The following ACTL8 variants were observed in gnomAD, a reference collection of about 807,000 sequenced individuals.
The protein encoded by ACTL8 is actin like 8, also known as actin-like protein 8.
In ACTL8, 3 loss-of-function variants were observed where a neutral mutation model predicts 9.3. That is an observed-to-expected ratio of 0.32 (90% CI 0.15 to 0.83). The LOEUF is 0.83. Ranked by LOEUF, ACTL8 falls within the 40% of genes least tolerant of loss-of-function variation. The pLI is 0.57. For synonymous variants in ACTL8, 224 were observed against 205.9 expected (o/e 1.09, Z -0.75); for missense variants, 381 against 492.2 (o/e 0.77, Z 2.14).
At chr1:17,776,631 C>G (rs1300535390) in intron 1 of ACTL8, among the ~76,000 whole-genome samples, 1 of 152,178 alleles carries the variant, frequency 6.6e-6, no homozygotes, top group Non-Finnish European at 1.5e-5. Flanking sequence ...CATTTTTCCT[C>G]CCAGGCAGAG....
chr1:17,813,976 G>A (rs961595998), intron 1 of ACTL8, among the ~76,000 whole-genome samples: 1 of 151,948 alleles, frequency 6.6e-6, no homozygotes, highest in African/African-American at 2.4e-5. Context: ...ATTCCTGATC[G>A]CAGTCTTTTG....
rs534605826 is a variant in ACTL8, at chr1:17,767,411, G to T, written c.-25+11907G>T. Among the ~76,000 whole-genome samples the T allele has an allele frequency of 8.9e-4, 136 of 152,242 alleles. 1 individual carries two copies. The highest frequency in any genetic ancestry group is 6.8e-3 in the Middle Eastern group (2 of 294). ...ACGATGCTGGCAACTTAGCCTCAGG[G>T]TGCTTCTAAAGAGTCTCTTCTTAGA... On this transcript the variant is annotated intron_variant, in intron 1 of 2. Transcript: ENST00000375406. This position sits in a 1 kb window ranked among gnomAD's most constrained non-coding sequence, Gnocchi z 4.7.
In ACTL8 at chr1:17,767,485, C is replaced by T. The variant is rs1285220077; in HGVS notation, c.-25+11981C>T. On this transcript the variant is annotated intron_variant, in intron 1 of 2. Transcript: ENST00000375406. The surrounding 1 kb of genome is among the most constrained non-coding windows in gnomAD (Gnocchi z 4.7). ...CGGACTGACGTCTGCACATCCTTCT[C>T]TCCCGGCTAAGACCTTCCCTGCTCT... 6.6e-6 allele frequency among the ~76,000 whole-genome samples: 1 copy of T among 152,188 alleles called. No individual in the cohort carries two copies. The highest frequency in any genetic ancestry group is 2.4e-5 in the African/African-American group (1 of 41,450).
intron 1 of ACTL8, among the ~76,000 whole-genome samples, chr1:17,774,546 C>T (rs917505177): frequency 2.0e-5 from 3 of 152,078 alleles, no homozygotes; most frequent in Non-Finnish European, 4.4e-5. Context: ...GTAGAGAAAT[C>T]CAAGGTTATG....
intron 1 of ACTL8, among the ~76,000 whole-genome samples, chr1:17,806,213 C>T (rs776130736): frequency 2.0e-5 from 3 of 152,136 alleles, no homozygotes; most frequent in African/African-American, 4.8e-5. Context: ...GAGTTCAGAA[C>T]GACTGGTTAG....
intron 1 of ACTL8, among the ~76,000 whole-genome samples, chr1:17,778,716 C>T (rs769111910): frequency 1.5e-4 from 23 of 152,138 alleles, no homozygotes; most frequent in Non-Finnish European, 3.1e-4. Flanking sequence ...GACTAGAGAT[C>T]TAAGGGCCCT....
At chr1:17,782,609 C>T (rs368167155) in intron 1 of ACTL8, among the ~76,000 whole-genome samples, 2 of 152,286 alleles carry the variant, frequency 1.3e-5, no homozygotes, top group African/African-American at 4.8e-5. Flanking sequence ...TGAAGAAGTG[C>T]TCATGAAACG....
chr1:17,784,004 A>C (rs796686391), intron 1 of ACTL8, among the ~76,000 whole-genome samples: 13 of 152,306 alleles, frequency 8.5e-5, no homozygotes, highest in African/African-American at 3.1e-4. Context: ...GTTGAGCCTT[A>C]GTTGTCTAGT....
chr1:17,755,718 C>T (rs1001480059), intron 1 of ACTL8, among the ~76,000 whole-genome samples: 1 of 152,150 alleles, frequency 6.6e-6, no homozygotes, highest in African/African-American at 2.4e-5. Context: ...GACTTGATTT[C>T]AGCTTTTGGA....
chr1:17,813,470 G>A (rs1157337583), intron 1 of ACTL8, among the ~76,000 whole-genome samples: 2 of 152,246 alleles, frequency 1.3e-5, no homozygotes, highest in Admixed American at 1.3e-4. Context: ...TTGCATTCCT[G>A]GGAGAAGCCC....
chr1:17,804,518 A>G (rs2066344549), intron 1 of ACTL8, among the ~76,000 whole-genome samples: 1 of 152,162 alleles, frequency 6.6e-6, no homozygotes, highest in East Asian at 1.9e-4. Flanking sequence ...TGGGGAGGCA[A>G]CGAGGACACA....
rs11590019 is a variant in ACTL8 at position 17,823,521 on chromosome 1, T to C, written c.348+165T>C. Among the ~76,000 whole-genome samples, 6,189 of 152,180 alleles carry C rather than the reference T, an allele frequency of 0.041. 148 individuals carry two copies. The highest frequency in any genetic ancestry group is 0.053 in the African/African-American group (2,199 of 41,504). On this transcript the variant is annotated intron_variant, in intron 2 of 2. Transcript: ENST00000375406. This position sits in a 1 kb window ranked among gnomAD's most constrained non-coding sequence, Gnocchi z 5.3. ...ACTTTGGGACTCCCAGGCAGGCAGA[T>C]TGCTTGAGCCCAGGAGTTCAGGACC...
At chr1:17,816,059 T>TA (rs1272068766) in intron 1 of ACTL8, among the ~76,000 whole-genome samples, 4 of 152,346 alleles carry the variant, frequency 2.6e-5, no homozygotes, top group African/African-American at 9.6e-5. Context: ...TCAAGCTGGT[T>TA]AACACATCCA....
chr1:17,769,359 G>C (rs187749855), intron 1 of ACTL8, among the ~76,000 whole-genome samples: 85 of 152,294 alleles, frequency 5.6e-4, no homozygotes, highest in African/African-American at 2.0e-3. Flanking sequence ...CCTCTGTAAA[G>C]AGCTGGTACA....
chr1:17,804,182 A>G (rs1291423628), intron 1 of ACTL8, among the ~76,000 whole-genome samples: 2 of 152,180 alleles, frequency 1.3e-5, no homozygotes. Context: ...CCTTCTCCAC[A>G]GGCCTGCCTC....
chr1:17,823,006 G>T lies in ACTL8; in HGVS notation c.-3G>T. 6.2e-7 allele frequency: 1 copy of T among 1,611,904 alleles called. No homozygotes were observed. The highest frequency in any genetic ancestry group is 8.5e-7 in the Non-Finnish European group (1 of 1,178,834). ...GCAGGTCCCACCCACCTCTGCCTCC[G>T]CCATGGCTGCAAGAACCGTTATCAT... is the stretch of plus-strand genomic sequence containing the variant. On this transcript the variant is annotated 5_prime_UTR_variant, in exon 2 of 3. Transcript: ENST00000375406. The surrounding 1 kb of genome is among the most constrained non-coding windows in gnomAD (Gnocchi z 5.3).
chr1:17,826,073 G>C lies in ACTL8; in HGVS notation c.655G>C (p.Gly219Arg), dbSNP rs778553946. 10 of 1,607,608 alleles carry C rather than the reference G, an allele frequency of 6.2e-6. No homozygotes were observed. The highest frequency in any genetic ancestry group is 1.7e-5 in the Admixed American group (1 of 60,006). Reference sequence around the variant, plus strand: ...CAAGTGCTACGTGCCGCAGAATCTGGGGGAGGCCCTGGACTTTCGTGAGAG... The same window carrying C: ...CAAGTGCTACGTGCCGCAGAATCTGCGGGAGGCCCTGGACTTTCGTGAGAG... ...MNKCYVPQNL[G>R]EALDFRERQQ... Residue 219 changes from glycine to arginine, a missense_variant, in exon 3 of 3, where the codon GGG becomes CGG. Around this residue, in one of 3 missense-constraint regions of ACTL8, gnomAD observed 243 missense variants for 276.2 expected, o/e 0.88. Transcript: ENST00000375406. The surrounding 1 kb of genome is among the most constrained non-coding windows in gnomAD (Gnocchi z 4.5).
intron 1 of ACTL8, among the ~76,000 whole-genome samples, chr1:17,818,598 A>G (rs2066444687): frequency 6.6e-6 from 1 of 152,290 alleles, no homozygotes. Flanking sequence ...GGGCCTTTGC[A>G]CTTGTTGTTC....
In ACTL8 at chr1:17,825,782, C is replaced by T. The variant is rs2053710760; in HGVS notation, c.364C>T (p.Leu122=). 6.2e-7 allele frequency: 1 copy of T among 1,613,100 alleles called. No homozygotes were observed. Among genetic ancestry groups the T allele is most frequent in the Non-Finnish European group, 8.5e-7 (1 of 1,179,654 alleles). ...KKMLEILFEL[L]HVPSVLLADQ... is the part of the protein sequence containing the mutation. The stretch of plus-strand genomic sequence containing the variant: ...CTCGTTGCAGATCCTGTTTGAGTTG[C>T]TGCATGTCCCATCGGTCCTCCTGGC... Residue 122 remains leucine, a synonymous_variant, in exon 3 of 3, where the codon CTG becomes TTG. Coordinates refer to ENST00000375406, the MANE Select transcript of ACTL8 (RefSeq NM_030812.3).
Sources: gnomAD v4.1 joint callset for allele counts (sites outside exome capture counted in the v4.1 genomes callset) on GRCh38, gnomAD v4.1.1 for gene constraint, gnomAD v4.1.1 regional missense constraint, Gnocchi (gnomAD v3.1) non-coding constraint, MANE v1.5 for transcripts, NCBI Gene and HGNC (gene_info 2026-07-23, HGNC 2026-07-21) for gene names.